Variants in PCDHA4 observed in about 807,000 individuals in gnomAD.
PCDHA4 encodes protocadherin alpha 4.
PCDHA4 carries 49 observed loss-of-function variants against 61.4 expected under a neutral mutation model. That is an observed-to-expected ratio of 0.80 (90% CI 0.63 to 1.01). PCDHA4 has a LOEUF of 1.01. Among genes scored for constraint, PCDHA4 ranks in the 50% least tolerant of loss-of-function variants. The pLI is 0.00. For missense variants in PCDHA4, 1,254 were observed against 1,235.8 expected (o/e 1.01, Z -0.22); for synonymous variants, 590 against 550.3 (o/e 1.07, Z -1.01).
At chr5:140,851,673 T>C (rs2042127540) in intron 1 of PCDHA4, 1 of 917,738 alleles carries the variant, frequency 1.1e-6, no homozygotes, top group Non-Finnish European at 1.3e-6. Flanking sequence ...TAATTGAAAT[T>C]TTCTCCATTC....
intron 1 of PCDHA4, among the ~76,000 whole-genome samples, chr5:140,874,132 A>C (rs181983769): frequency 1.3e-5 from 2 of 152,240 alleles, no homozygotes; most frequent in East Asian, 3.8e-4. Flanking sequence ...TATTTAAGTT[A>C]TCTTATACTT....
chr5:140,882,777 A>G (rs2059309071), intron 1 of PCDHA4: 1 of 1,614,096 alleles, frequency 6.2e-7, no homozygotes, highest in Non-Finnish European at 8.5e-7. Context: ...GCATTGACCT[A>G]CCGACTGGAT....
At chr5:140,844,980 T>A (rs1294725594) in intron 1 of PCDHA4, among the ~76,000 whole-genome samples, 1 of 149,336 alleles carries the variant, frequency 6.7e-6, no homozygotes, top group African/African-American at 2.5e-5. Flanking sequence ...AGTATTGTTT[T>A]AAATCTTTTA....
chr5:140,825,948 C>A (rs1289779373), intron 1 of PCDHA4: 2 of 152,214 alleles, frequency 1.3e-5, no homozygotes, highest in Non-Finnish European at 2.9e-5. Context: ...TAATGAGAAC[C>A]ATTTGTCTAC....
chr5:140,814,169 A>T (rs1460326718), intron 1 of PCDHA4: 1 of 152,170 alleles, frequency 6.6e-6, no homozygotes, highest in African/African-American at 2.4e-5. Flanking sequence ...TTATTTTACA[A>T]GTTTTTTTGA....
At chr5:141,001,977 A>T (rs527826696) in intron 3 of PCDHA4, among the ~76,000 whole-genome samples, 1 of 152,246 alleles carries the variant, frequency 6.6e-6, no homozygotes, top group South Asian at 2.1e-4. Flanking sequence ...CTCTGCGCGG[A>T]AAGCCTGGAA....
chr5:140,877,730 A>G (rs782465464), intron 1 of PCDHA4: 1 of 1,614,146 alleles, frequency 6.2e-7, no homozygotes, highest in Non-Finnish European at 8.5e-7. Flanking sequence ...TACTCGCAGC[A>G]GAGGAGGCAG....
chr5:140,856,103 C>G (rs1554148182), intron 1 of PCDHA4: 1 of 1,597,894 alleles, frequency 6.3e-7, no homozygotes, highest in South Asian at 1.1e-5. Context: ...CTCGCTTCTT[C>G]TCCTCGCAGC....
Position 140,847,536 on chromosome 5 carries a change from G to A in PCDHA4, c.2385+37964G>A, listed in dbSNP as rs1162683759. On this transcript the variant is annotated intron_variant, in intron 1 of 3. Transcript: ENST00000530339. ...AACTTAGTCAGGAAAAGAATCTCAAGCATAGCTTTAAAAACAGAAATTGCC... is the reference window on the plus strand; with the variant it reads ...AACTTAGTCAGGAAAAGAATCTCAAACATAGCTTTAAAAACAGAAATTGCC... 3 of 149,444 alleles carry A rather than the reference G, an allele frequency of 2.0e-5. 1 individual carries two copies. Among genetic ancestry groups the A allele is most frequent in the African/African-American group, 7.3e-5 (3 of 40,850 alleles). The allele number at this position is 149,444 out of a possible 1,614,324, so 9.3% of individuals were successfully genotyped here.
In PCDHA4 at chr5:140,843,066, C is replaced by G. The variant is rs2150351563; in HGVS notation, c.2385+33494C>G. 18 of 1,595,216 alleles carry G rather than the reference C, an allele frequency of 1.1e-5. 2 individuals are homozygous for G. Among genetic ancestry groups the G allele is most frequent in the East Asian group, 4.5e-5 (2 of 44,812 alleles). On this transcript the variant is annotated intron_variant, in intron 1 of 3. Coordinates refer to ENST00000530339, the MANE Select transcript of PCDHA4 (RefSeq NM_018907.4). ...GGTGGCGCAGCGAGCAAGCTGGTGC[C>G]GCGGTCTGTGGGCGCGGGCCACGTG...
intron 1 of PCDHA4, chr5:140,828,964 C>A: frequency 6.2e-7 from 1 of 1,614,150 alleles, no homozygotes. Flanking sequence ...TGGTTATTGA[C>A]CACTTTAGCA....
chr5:140,939,481 A>G (rs1554212745), intron 1 of PCDHA4, among the ~76,000 whole-genome samples: 2 of 152,206 alleles, frequency 1.3e-5, no homozygotes, highest in Non-Finnish European at 2.9e-5. Flanking sequence ...CTTCATGAGA[A>G]TGTTAATTAT....
At chr5:140,874,881 C>T (rs1316593398) in intron 1 of PCDHA4, among the ~76,000 whole-genome samples, 3 of 152,102 alleles carry the variant, frequency 2.0e-5, no homozygotes, top group Non-Finnish European at 2.9e-5. Context: ...AATACAAATT[C>T]CTAACTTTCT....
At chr5:140,872,606 AT>A (rs1302987061) in intron 1 of PCDHA4, among the ~76,000 whole-genome samples, 2 of 151,888 alleles carry the variant, frequency 1.3e-5, no homozygotes, top group African/African-American at 2.4e-5. Flanking sequence ...TGAAAAAATA[AT>A]TTTTTTTGCC....
chr5:140,842,853 A>C lies in PCDHA4; in HGVS notation c.2385+33281A>C. On this transcript the variant is annotated intron_variant, in intron 1 of 3. Transcript: ENST00000530339. ...TCGCTGTCGAGCTACATTTCGGTGC[A>C]CACGGAGAGCGGCAAGGTGTACGCG... is the stretch of plus-strand genomic sequence containing the variant. 6.3e-7 allele frequency: 1 copy of C among 1,593,882 alleles called. No individual in the cohort carries two copies. Among genetic ancestry groups the C allele is most frequent in the Middle Eastern group, 2.1e-4 (1 of 4,734 alleles).
intron 1 of PCDHA4, among the ~76,000 whole-genome samples, chr5:140,910,576 C>T (rs1305355365): frequency 6.6e-6 from 1 of 152,174 alleles, no homozygotes; most frequent in African/African-American, 2.4e-5. Context: ...TTTTCTGGAT[C>T]CTCCCAGCTG....
At chr5:140,964,783 A>C (rs2095854085) in intron 1 of PCDHA4, among the ~76,000 whole-genome samples, 1 of 152,018 alleles carries the variant, frequency 6.6e-6, no homozygotes, top group East Asian at 1.9e-4. Context: ...AAGAGGAAGA[A>C]GCCAGAGACC....
chr5:140,913,073 G>A (rs529914576), intron 1 of PCDHA4, among the ~76,000 whole-genome samples: 7 of 152,184 alleles, frequency 4.6e-5, no homozygotes, highest in Admixed American at 1.3e-4. Flanking sequence ...ATGTGTCATT[G>A]TTTGGTATCA....
chr5:140,890,621 A>G (rs1209531386), intron 1 of PCDHA4, among the ~76,000 whole-genome samples: 1 of 152,174 alleles, frequency 6.6e-6, no homozygotes, highest in Non-Finnish European at 1.5e-5. Context: ...TACCCTAGAA[A>G]ATTAAGCATG....
Sources: allele counts gnomAD v4.1 joint callset (sites outside exome capture counted in the v4.1 genomes callset), GRCh38; gene constraint gnomAD v4.1.1; transcripts MANE v1.5; gene names NCBI Gene and HGNC (gene_info 2026-07-23, HGNC 2026-07-21).